PITPNM1: variants seen among roughly 807,000 people sequenced by gnomAD.
The protein encoded by PITPNM1 is phosphatidylinositol transfer protein membrane associated 1.
In PITPNM1, 74 loss-of-function variants were observed where a neutral mutation model predicts 133.3. The observed-to-expected ratio is 0.56, with a 90% CI of 0.46 to 0.67. PITPNM1 has a LOEUF of 0.67. Among genes scored for constraint, PITPNM1 ranks in the 30% least tolerant of loss-of-function variants. PITPNM1 has a pLI of 0.00. For synonymous variants in PITPNM1, 738 were observed against 741.4 expected, an observed-to-expected ratio of 1.00 and a Z score of 0.08; for missense variants, 1,398 against 1,739.5, an observed-to-expected ratio of 0.80 and a Z score of 3.49.
Position 67,493,418 on chromosome 11 carries a change from C to T in PITPNM1, c.3334G>A (p.Val1112Met), listed in dbSNP as rs983082087. ...TCCCCCAGCCGCCGCACCTCCTGCA[C>T]CAGGCTCTGCAGAAACATTGCCTTC... ...RQKAMFLQSLVQEVELNIVAG... is the reference protein window; with the variant it reads ...RQKAMFLQSLMQEVELNIVAG... The change falls in exon 22 of 24, where the codon GTG becomes ATG. Residue 1112 changes from valine to methionine, a missense_variant. Transcript: ENST00000356404. 3.1e-6 allele frequency: 5 copies of T among 1,590,242 alleles called. No homozygotes were observed. The African/African-American group carries it at 5.4e-5, about 17-fold the overall frequency.
rs960752613 is a variant in PITPNM1, at chr11:67,504,022, C to T, written c.78+81G>A. 9.0e-7 allele frequency: 1 copy of T among 1,112,500 alleles called. No individual in the cohort carries two copies. The highest frequency in any genetic ancestry group is 1.3e-6 in the Non-Finnish European group (1 of 782,822). The allele number at this position is 1,112,500 out of a possible 1,614,324, so 68.9% of individuals were successfully genotyped here. A position where few individuals can be genotyped will look rare whatever the true frequency, so the allele number is the denominator to read the frequency against. Reference sequence around the variant, plus strand: ...CTCTTGCCTCCTCCGGGCTCCCAGCCGGTCCCAGCCCCGGGGCAGGGCTGG... The same window carrying T: ...CTCTTGCCTCCTCCGGGCTCCCAGCTGGTCCCAGCCCCGGGGCAGGGCTGG... On this transcript the variant is annotated intron_variant, in intron 2 of 23. Transcript: ENST00000356404. The surrounding 1 kb of genome is among the most constrained non-coding windows in gnomAD (Gnocchi z 5.4).
Position 67,493,411 on chromosome 11 carries a change from T to C in PITPNM1, c.3341A>G (p.Glu1114Gly). The C allele has an allele frequency of 6.3e-7, 1 of 1,583,876 alleles. No homozygotes were observed. Among genetic ancestry groups the C allele is most frequent in the Non-Finnish European group, 8.6e-7 (1 of 1,160,992 alleles). ...CGGAGCCTCCCCCAGCCGCCGCACC[T>C]CCTGCACCAGGCTCTGCAGAAACAT... Reference protein sequence around the residue: ...KAMFLQSLVQEVELNIVAGYG... With the variant: ...KAMFLQSLVQGVELNIVAGYG... Residue 1114 changes from glutamate (E) to glycine (G), a missense_variant and splice_region_variant, in exon 22 of 24, where the codon GAG (glutamate) becomes GGG (glycine). Physicochemically the swap from Glu to Gly is moderately conservative, Grantham distance 98. Coordinates refer to ENST00000356404, the MANE Select transcript of PITPNM1 (RefSeq NM_004910.3).
rs1162071364 is a variant in PITPNM1 at position 67,492,158 on chromosome 11, G to T, written c.3610C>A (p.Gln1204Lys). ...VAAPVDFLRK[Q>K]SQLLRSRGPS... ...CCCCTCGAGCGAAGCAGCTGGCTCT[G>T]TTTGCGCAGGAAGTCCACGGGGGCA... is the stretch of plus-strand genomic sequence containing the variant. Residue 1204 changes from glutamine to lysine, a missense_variant, in exon 24 of 24, where the codon CAG (glutamine) becomes AAG (lysine). Gln to Lys is a moderately conservative substitution (Grantham distance 53). Transcript: ENST00000356404. The T allele has an allele frequency of 1.9e-6, 3 of 1,611,516 alleles. No individual in the cohort carries two copies. In the African/African-American group the frequency reaches 4.0e-5, roughly 22 times the overall value.
chr11:67,494,284 A>G lies in PITPNM1; in HGVS notation c.2819T>C (p.Met940Thr), dbSNP rs1381031532. 4 of 1,612,568 alleles carry G rather than the reference A, an allele frequency of 2.5e-6. No individual in the cohort carries two copies. Among genetic ancestry groups the G allele is most frequent in the African/African-American group, 1.3e-5 (1 of 74,990 alleles). Residue 940 changes from methionine (M) to threonine (T), a missense_variant, in exon 19 of 24, where the codon ATG (methionine) becomes ACG (threonine). By Grantham distance (81) the Met-to-Thr change is moderately conservative. This residue lies in a region of PITPNM1 where 233 missense variants were observed against 378.0 expected (regional missense o/e 0.62). Coordinates refer to ENST00000356404, the MANE Select transcript of PITPNM1 (RefSeq NM_004910.3). ...CGTGACGACGTCCAGGGGCCCGTAC[A>G]TGAAGCGCCCGCTTAGCACCTGGGG... ...GRPQVLSGRF[M>T]YGPLDVVTLT...
chr11:67,494,706 C>T, intron 18 of PITPNM1, 140 bp downstream of exon 18: 1 of 630,024 alleles, frequency 1.6e-6, no homozygotes, highest in South Asian at 1.8e-5. Context: ...GGGCCAGGAC[C>T]CCAGGGGCGG....
chr11:67,499,838 G>A lies in PITPNM1; in HGVS notation c.1064-8C>T. ...CACTGTCCGAGAAGCCTTCTGAGGG[G>A]ACAGGGGGCTGTGTCATGGGGTGGG... is the stretch of plus-strand genomic sequence containing the variant. On this transcript the variant is annotated splice_polypyrimidine_tract_variant and splice_region_variant and intron_variant, in intron 7 of 23. Transcript: ENST00000356404. 1.3e-6 allele frequency: 2 copies of A among 1,583,352 alleles called. No homozygotes were observed. Among genetic ancestry groups the A allele is most frequent in the Non-Finnish European group, 1.7e-6 (2 of 1,157,192 alleles).
Position 67,492,199 on chromosome 11 carries a change from C to A in PITPNM1, c.3569G>T (p.Ser1190Ile), listed in dbSNP as rs1350600870. The change falls in exon 24 of 24, where the codon AGC (serine) becomes ATC (isoleucine). Residue 1190 changes from serine (S) to isoleucine (I), a missense_variant. Physicochemically the swap from Ser to Ile is moderately radical, Grantham distance 142. Around this residue, in one of 5 missense-constraint regions of PITPNM1, gnomAD observed 122 missense variants for 123.3 expected, o/e 0.99. Coordinates refer to ENST00000356404, the MANE Select transcript of PITPNM1 (RefSeq NM_004910.3). ...SGPPRAALGK[S>I]SYGVAAPVDF... Reference sequence around the variant, plus strand: ...CACGGGGGCAGCCACACCATAGCTGCTCTTGCCCAAGGCAGCTCTCGGGGG... The same window carrying A: ...CACGGGGGCAGCCACACCATAGCTGATCTTGCCCAAGGCAGCTCTCGGGGG... 1 of 1,611,224 alleles carries A rather than the reference C, an allele frequency of 6.2e-7. No individual in the cohort carries two copies. The highest frequency in any genetic ancestry group is 2.2e-5 in the East Asian group (1 of 44,864).
At chr11:67,492,887 C>G in intron 23 of PITPNM1, 47 bp downstream of exon 23, 1 of 1,592,168 alleles carries the variant, frequency 6.3e-7, no homozygotes, top group Non-Finnish European at 8.6e-7. Context: ...GACTGAGGGC[C>G]CTGCCCCCTG....
Position 67,491,898 on chromosome 11 carries a change from A to G in PITPNM1, c.*135T>C. On this transcript the variant is annotated 3_prime_UTR_variant, in exon 24 of 24. Coordinates refer to ENST00000356404, the MANE Select transcript of PITPNM1 (RefSeq NM_004910.3). ...TGAAAGGGAAGTAACACCGAGGAGC[A>G]CACGGAGATATAGGGTGTGGGGCTG... 1.0e-6 allele frequency: 1 copy of G among 957,360 alleles called. No homozygotes were observed. Among genetic ancestry groups the G allele is most frequent in the Non-Finnish European group, 1.5e-6 (1 of 653,418 alleles). The allele number at this position is 957,360 out of a possible 1,614,324, so 59.3% of individuals were successfully genotyped here. A position where few individuals can be genotyped will look rare whatever the true frequency, so the allele number is the denominator to read the frequency against.
intron 19 of PITPNM1, 78 bp from the exon 20 acceptor site, chr11:67,494,148 G>A: frequency 6.4e-7 from 1 of 1,571,928 alleles, no homozygotes; most frequent in South Asian, 1.1e-5. Context: ...GTCGGGGATG[G>A]GTGGGTCTAG....
In PITPNM1 at chr11:67,500,126, G is replaced by A. The variant is rs748881273; in HGVS notation, c.936C>T (p.Ser312=). Residue 312 remains serine, a synonymous_variant, in exon 6 of 24, where the codon TCC becomes TCT. Coordinates refer to ENST00000356404, the MANE Select transcript of PITPNM1 (RefSeq NM_004910.3). ...GTTGGGATGAGTAGGAGGAACGGGA[G>A]GATGAGGACCACTGCTTCCCAAAGC... ...DASFGKQWSS[S]SRSSYSSQHG... is the part of the protein sequence containing the mutation. The A allele has an allele frequency of 1.1e-5, 18 of 1,592,346 alleles. No homozygotes were observed. The South Asian group carries it at 1.9e-4, about 17-fold the overall frequency.
chr11:67,499,487 G>C (rs953188230), intron 8 of PITPNM1, among the ~76,000 whole-genome samples: 1 of 148,520 alleles, frequency 6.7e-6, no homozygotes. Flanking sequence ...AGCATTCAGG[G>C]AGTCCAAATT....
intron 14 of PITPNM1, 171 bp downstream of exon 14, chr11:67,497,060 C>G: frequency 7.2e-6 from 4 of 559,270 alleles, no homozygotes; most frequent in Non-Finnish European, 1.2e-5. Flanking sequence ...GGAGACTCAC[C>G]CTTGGCGAGT....
chr11:67,492,899 T>TG (rs1453522855), intron 23 of PITPNM1, 35 bp downstream of exon 23: 1 of 1,600,204 alleles, frequency 6.2e-7, no homozygotes, highest in Admixed American at 1.7e-5. Flanking sequence ...TGCCCCCTGG[T>TG]GGGGTCCTGT....
In PITPNM1 at chr11:67,492,353, C is replaced by G. The variant is rs1039064952; in HGVS notation, c.3472-57G>C. 4.8e-6 allele frequency: 7 copies of G among 1,460,152 alleles called. No individual in the cohort carries two copies. In the African/African-American group the frequency reaches 9.9e-5, roughly 21 times the overall value. The allele number at this position is 1,460,152 out of a possible 1,614,324, so 90.4% of individuals were successfully genotyped here. A position where few individuals can be genotyped will look rare whatever the true frequency, so the allele number is the denominator to read the frequency against. ...TGCTGGCCAAGGGCCCACACGCTGCCCTCCACGGTCCTCCAGAGGCACCTG... is the reference window on the plus strand; with the variant it reads ...TGCTGGCCAAGGGCCCACACGCTGCGCTCCACGGTCCTCCAGAGGCACCTG... On this transcript the variant is annotated intron_variant, in intron 23 of 23. Coordinates refer to ENST00000356404, the MANE Select transcript of PITPNM1 (RefSeq NM_004910.3).
intron 5 of PITPNM1, 40 bp downstream of exon 5, chr11:67,501,822 C>A (rs1178348651): frequency 3.2e-6 from 5 of 1,551,592 alleles, no homozygotes; most frequent in Non-Finnish European, 3.5e-6. Flanking sequence ...GGGTCTGGGG[C>A]ATGCTGGGTA....
Position 67,491,854 on chromosome 11 carries a change from G to C in PITPNM1, c.*179C>G. ...TGCCCACGCCCTCCTCCCTCCCCCC[G>C]GCGCTGGGTCCCCTCATATGAAAGG... On this transcript the variant is annotated 3_prime_UTR_variant, in exon 24 of 24. Transcript: ENST00000356404. The C allele has an allele frequency of 1.5e-6, 1 of 663,174 alleles. No homozygotes were observed. Among genetic ancestry groups the C allele is most frequent in the Non-Finnish European group, 2.5e-6 (1 of 401,674 alleles). 41.1% of individuals were successfully genotyped at this position (663,174 alleles called of 1,614,324 possible). A position where few individuals can be genotyped will look rare whatever the true frequency, so the allele number is the denominator to read the frequency against.
At chr11:67,492,857 C>T in intron 23 of PITPNM1, 77 bp downstream of exon 23, 2 of 1,524,968 alleles carry the variant, frequency 1.3e-6, no homozygotes, top group Non-Finnish European at 1.8e-6. Flanking sequence ...TCCCCAGAGT[C>T]CGTGGTTCCC....
chr11:67,499,945 G>C lies in PITPNM1; in HGVS notation c.1032C>G (p.Asn344Lys). 6.2e-7 allele frequency: 1 copy of C among 1,612,512 alleles called. No individual in the cohort carries two copies. ...CATCAAAGAACTCTTCCTCGGAGCTGTTCTCAGAGTCTCGGGCAATGTTCT... is the reference window on the plus strand; with the variant it reads ...CATCAAAGAACTCTTCCTCGGAGCTCTTCTCAGAGTCTCGGGCAATGTTCT... ...RMQNIARDSENSSEEEFFDAH... is the reference protein window; with the variant it reads ...RMQNIARDSEKSSEEEFFDAH... The change falls in exon 7 of 24, where the codon AAC becomes AAG. Residue 344 changes from asparagine (N) to lysine (K), a missense_variant. Physicochemically the swap from Asn to Lys is moderately conservative, Grantham distance 94. Around this residue, in one of 5 missense-constraint regions of PITPNM1, gnomAD observed 195 missense variants for 178.8 expected, o/e 1.09. Coordinates refer to ENST00000356404, the MANE Select transcript of PITPNM1 (RefSeq NM_004910.3).
Sources: allele counts gnomAD v4.1 joint callset (sites outside exome capture counted in the v4.1 genomes callset), GRCh38; gene constraint gnomAD v4.1.1; regional missense constraint gnomAD v4.1.1; non-coding constraint Gnocchi (gnomAD v3.1); transcripts MANE v1.5; gene names NCBI Gene and HGNC (gene_info 2026-07-23, HGNC 2026-07-21).